CDX2: variants seen among roughly 807,000 people sequenced by gnomAD.
CDX2 encodes homeobox protein CDX-2.
In CDX2, 7 loss-of-function variants were observed where a neutral mutation model predicts 25.5. That is an observed-to-expected ratio of 0.27 (90% CI 0.16 to 0.52). The LOEUF (loss-of-function observed/expected upper bound fraction) is 0.52. Among genes scored for constraint, CDX2 ranks in the 20% least tolerant of loss-of-function variants. The pLI, the probability that CDX2 is intolerant of heterozygous loss-of-function variation, is 0.97. For missense variants in CDX2, 375 were observed against 431.4 expected, an observed-to-expected ratio of 0.87 and a Z score of 1.16; for synonymous variants, 222 against 198.6, an observed-to-expected ratio of 1.12 and a Z score of -0.99.
rs750710720 is a variant in CDX2 at position 27,963,191 on chromosome 13, T to G, written c.866A>C (p.Gln289Pro). Reference protein sequence around the residue: ...PEPLSPVSSLQASVPGSVPGV... With the variant: ...PEPLSPVSSLPASVPGSVPGV... ...AGGGACAGAGCCAGGCACTGAGGCT[T>G]GCAGGGAAGACACCGGACTCAAGGG... The change falls in exon 3 of 3, where the codon CAA becomes CCA. Residue 289 changes from glutamine to proline, a missense_variant. By Grantham distance (76) the Gln-to-Pro change is moderately conservative. Around this residue, in one of 3 missense-constraint regions of CDX2, gnomAD observed 58 missense variants for 59.4 expected, o/e 0.98. Transcript: ENST00000381020. The G allele has an allele frequency of 2.5e-6, 4 of 1,614,062 alleles. No individual in the cohort carries two copies. Among genetic ancestry groups the G allele is most frequent in the African/African-American group, 1.3e-5 (1 of 74,928 alleles).
Position 27,968,581 on chromosome 13 carries a change from G to A in CDX2, c.426C>T (p.Pro142=). The change falls in exon 1 of 3, where the codon CCC becomes CCT. Residue 142 remains proline, a synonymous_variant. Transcript: ENST00000381020. ...CGGTGGCGGCGGGCCCAGGAGGGCC[G>A]GGGTTGAGCGTTTGCAGCAGCCCAG... ...CASGLLQTLN[P]GPPGPAATAA... is the part of the protein sequence containing the mutation. 1.3e-6 allele frequency: 2 copies of A among 1,570,884 alleles called. No individual in the cohort carries two copies. The highest frequency in any genetic ancestry group is 1.1e-5 in the South Asian group (1 of 87,744).
At chr13:27,966,270 A>AC (rs2137540151) in intron 1 of CDX2, among the ~76,000 whole-genome samples, 1 of 152,126 alleles carries the variant, frequency 6.6e-6, no homozygotes, top group African/African-American at 2.4e-5. Context: ...CATAAACACG[A>AC]CCCTGCAGGC....
At chr13:27,967,372 T>A (rs1366863425) in intron 1 of CDX2, 8 of 524,144 alleles carry the variant, frequency 1.5e-5, no homozygotes, top group Non-Finnish European at 2.6e-5. Flanking sequence ...AAGGGCGCTT[T>A]GATTTATACA....
intron 1 of CDX2, among the ~76,000 whole-genome samples, chr13:27,968,172 C>A (rs1214213421): frequency 6.6e-6 from 1 of 152,260 alleles, no homozygotes; most frequent in East Asian, 1.9e-4. Context: ...CTCACGCCGA[C>A]ATTCCCCGGA....
chr13:27,962,114 A>T lies in CDX2; in HGVS notation c.*1001T>A. 1 of 231,132 alleles carries T rather than the reference A, an allele frequency of 4.3e-6. No homozygotes were observed. Among genetic ancestry groups the T allele is most frequent in the Non-Finnish European group, 8.6e-6 (1 of 116,652 alleles). The allele number at this position is 231,132 out of a possible 1,614,324, so 14.3% of individuals were successfully genotyped here. A position where few individuals can be genotyped will look rare whatever the true frequency, so the allele number is the denominator to read the frequency against. The stretch of plus-strand genomic sequence containing the variant: ...AAAATAAAAAATAGTTGCAGACAAA[A>T]TCTGAAGATAAATACAGAATCTGAA... On this transcript the variant is annotated 3_prime_UTR_variant, in exon 3 of 3. Coordinates refer to ENST00000381020, the MANE Select transcript of CDX2 (RefSeq NM_001265.6).
rs967429541 is a variant in CDX2 at position 27,962,181 on chromosome 13, T to A, written c.*934A>T. The A allele has an allele frequency of 1.7e-5, 4 of 232,572 alleles. No homozygotes were observed. The highest frequency in any genetic ancestry group is 1.8e-4 in the South Asian group (1 of 5,520). 14.4% of individuals were successfully genotyped at this position (232,572 alleles called of 1,614,324 possible). On this transcript the variant is annotated 3_prime_UTR_variant, in exon 3 of 3. Transcript: ENST00000381020. ...TATCTCTTTTTCTTTTTAGAAAAAA[T>A]TCAACTGTGTTCAAATACTCCCCAC...
At chr13:27,965,173 A>T (rs1869254828) in intron 1 of CDX2, among the ~76,000 whole-genome samples, 158 bp from the exon 2 acceptor site, 1 of 150,428 alleles carries the variant, frequency 6.6e-6, no homozygotes. Flanking sequence ...GACCCCCCAG[A>T]GGGTCCTGTG....
intron 1 of CDX2, among the ~76,000 whole-genome samples, chr13:27,966,080 C>G (rs1869306117): frequency 6.6e-6 from 1 of 152,242 alleles, no homozygotes; most frequent in African/African-American, 2.4e-5. Context: ...CAGGCCTGAT[C>G]AGAGGGAGCT....
At chr13:27,967,953 C>T (rs1388939204) in intron 1 of CDX2, among the ~76,000 whole-genome samples, 2 of 152,170 alleles carry the variant, frequency 1.3e-5, no homozygotes, top group African/African-American at 2.4e-5. Flanking sequence ...CAAACCCGGT[C>T]CCACACACAG....
chr13:27,967,394 C>T (rs1869387566), intron 1 of CDX2: 1 of 518,634 alleles, frequency 1.9e-6, no homozygotes, highest in Non-Finnish European at 3.8e-6. Context: ...TTGTAATTGG[C>T]TATAAACTTC....
chr13:27,963,256 AGGCTGTGGTGGCGGCGGAGGC>A lies in CDX2; in HGVS notation c.780_800del (p.Pro262_Pro268del), dbSNP rs1021116136. Reference sequence around the variant, plus strand: ...TCAGAGGACCTGGCTGAGGCTGGGGAGGCTGTGGTGGCGGCGGAGGCGGCTGTGGTGGCTGCTGCTGCTGTT... The same window carrying A: ...TCAGAGGACCTGGCTGAGGCTGGGGAGGCTGTGGTGGCTGCTGCTGCTGTT... On this transcript the variant is annotated inframe_deletion, in exon 3 of 3. Coordinates refer to ENST00000381020, the MANE Select transcript of CDX2 (RefSeq NM_001265.6). 2 of 1,613,972 alleles carry A rather than the reference AGGCTGTGGTGGCGGCGGAGGC, an allele frequency of 1.2e-6. No individual in the cohort carries two copies. Among genetic ancestry groups the A allele is most frequent in the East Asian group, 2.2e-5 (1 of 44,822 alleles).
In CDX2 at chr13:27,963,101, C is replaced by G; in HGVS notation, c.*14G>C. The G allele has an allele frequency of 6.2e-7, 1 of 1,603,102 alleles. No individual in the cohort carries two copies. Among genetic ancestry groups the G allele is most frequent in the Non-Finnish European group, 8.5e-7 (1 of 1,173,110 alleles). ...TCAGCCTGGAATTGCTCTGCCGCTG[C>G]AGAACCCGGTGGGTCACTGGGTGAC... On this transcript the variant is annotated 3_prime_UTR_variant, in exon 3 of 3. Coordinates refer to ENST00000381020, the MANE Select transcript of CDX2 (RefSeq NM_001265.6).
Position 27,962,885 on chromosome 13 carries a change from C to T in CDX2, c.*230G>A. 4.0e-6 allele frequency: 2 copies of T among 497,080 alleles called. No homozygotes were observed. Among genetic ancestry groups the T allele is most frequent in the Non-Finnish European group, 6.9e-6 (2 of 291,674 alleles). The allele number at this position is 497,080 out of a possible 1,614,324, so 30.8% of individuals were successfully genotyped here. On this transcript the variant is annotated 3_prime_UTR_variant, in exon 3 of 3. Transcript: ENST00000381020. The stretch of plus-strand genomic sequence containing the variant: ...GCCCAGCGGAGGCTTTCTGTCTCCT[C>T]AGTGGCAGAAAAAGCCAGATGGGAA...
rs1165473141 is a variant in CDX2 at position 27,964,057 on chromosome 13, TCAA to T, written c.688-691_688-689del. On this transcript the variant is annotated intron_variant, in intron 2 of 2. Coordinates refer to ENST00000381020, the MANE Select transcript of CDX2 (RefSeq NM_001265.6). The surrounding 1 kb of genome is among the most constrained non-coding windows in gnomAD (Gnocchi z 4.7). ...CCTCAAAAGAGAGAGACAGAAAAAA[TCAA>T]CAACATCAAAAAAAGAGGACTAAAG... 6.6e-6 allele frequency among the ~76,000 whole-genome samples: 1 copy of T among 151,822 alleles called. No homozygotes were observed. Among genetic ancestry groups the T allele is most frequent in the African/African-American group, 2.4e-5 (1 of 41,300 alleles).
At position 27,969,056 on chromosome 13, in the gene CDX2, G is replaced by C. The variant is rs1471965427; in HGVS notation, c.-50C>G. The C allele has an allele frequency of 4.9e-6, 7 of 1,438,896 alleles. No individual in the cohort carries two copies. The South Asian group carries it at 8.4e-5, about 17-fold the overall frequency. The allele number at this position is 1,438,896 out of a possible 1,614,324, so 89.1% of individuals were successfully genotyped here. On this transcript the variant is annotated 5_prime_UTR_variant, in exon 1 of 3. Coordinates refer to ENST00000381020, the MANE Select transcript of CDX2 (RefSeq NM_001265.6). Reference sequence around the variant, plus strand: ...CTCACCATGCTGCCTGGGGACCGACGCTGGAGGCTGCCGGGGGGCACGAAG... The same window carrying C: ...CTCACCATGCTGCCTGGGGACCGACCCTGGAGGCTGCCGGGGGGCACGAAG...
chr13:27,965,352 G>A (rs1379843264), intron 1 of CDX2, among the ~76,000 whole-genome samples: 1 of 152,218 alleles, frequency 6.6e-6, no homozygotes, highest in Non-Finnish European at 1.5e-5. Flanking sequence ...AAGGGAAAGG[G>A]GGCAGGGTGA....
chr13:27,963,875 C>G (rs1869187908), intron 2 of CDX2, among the ~76,000 whole-genome samples: 1 of 152,148 alleles, frequency 6.6e-6, no homozygotes, highest in Non-Finnish European at 1.5e-5. Flanking sequence ...AGTCTTGTCC[C>G]TCTAGTTTTT....
At chr13:27,967,556 C>T (rs1869395061) in intron 1 of CDX2, among the ~76,000 whole-genome samples, 1 of 152,226 alleles carries the variant, frequency 6.6e-6, no homozygotes, top group African/African-American at 2.4e-5. Flanking sequence ...TCTAGGCACA[C>T]TCGAACACCA....
Position 27,969,126 on chromosome 13 carries a change from C to T in CDX2, c.-120G>A. Reference sequence around the variant, plus strand: ...CGAGGAGCGGCGGGTGGCTGCGCCCCAGCCCGCGGTGCTCCGCTGGCTCCT... The same window carrying T: ...CGAGGAGCGGCGGGTGGCTGCGCCCTAGCCCGCGGTGCTCCGCTGGCTCCT... On this transcript the variant is annotated 5_prime_UTR_variant, in exon 1 of 3. Coordinates refer to ENST00000381020, the MANE Select transcript of CDX2 (RefSeq NM_001265.6). The T allele has an allele frequency of 2.8e-6, 2 of 704,880 alleles. No individual in the cohort carries two copies. The highest frequency in any genetic ancestry group is 1.9e-5 in the South Asian group (1 of 52,062). The allele number at this position is 704,880 out of a possible 1,614,324, so 43.7% of individuals were successfully genotyped here.
Sources: gnomAD v4.1 joint callset for allele counts (sites outside exome capture counted in the v4.1 genomes callset) on GRCh38, gnomAD v4.1.1 for gene constraint, gnomAD v4.1.1 regional missense constraint, Gnocchi (gnomAD v3.1) non-coding constraint, MANE v1.5 for transcripts, NCBI Gene and HGNC (gene_info 2026-07-23, HGNC 2026-07-21) for gene names.